MAP4K5: variants seen among roughly 807,000 people sequenced by gnomAD.
MAP4K5 encodes mitogen-activated protein kinase kinase kinase kinase 5, also known as MAPK/ERK kinase kinase kinase 5.
A neutral mutation model predicts 135.6 loss-of-function variants in MAP4K5; 82 were observed. The ratio of observed to expected loss-of-function variants is 0.60; its 90% CI spans 0.51 to 0.73. The LOEUF is 0.73. MAP4K5 is among the 30% of genes least tolerant of loss of function. MAP4K5 has a pLI of 0.00. For missense variants in MAP4K5, 907 were observed against 1,010.9 expected (o/e 0.90, Z 1.39); for synonymous variants, 347 against 335.0 (o/e 1.04, Z -0.39).
At chr14:50,559,385 G>A (rs886100269) in intron 1 of MAP4K5, 1 of 152,224 alleles carries the variant, frequency 6.6e-6, no homozygotes, top group Non-Finnish European at 1.5e-5. Context: ...TAAGTTTGTA[G>A]CAGAGAGAAA....
chr14:50,531,825 C>G, intron 2 of MAP4K5, 117 bp downstream of exon 2: 7 of 764,516 alleles, frequency 9.2e-6, no homozygotes, highest in Non-Finnish European at 6.7e-6. Context: ...CGGCCGCTTT[C>G]TCCCCAAGAG....
At chr14:50,483,174 T>C (rs537145448) in intron 5 of MAP4K5, 1 of 152,362 alleles carries the variant, frequency 6.6e-6, no homozygotes, top group East Asian at 1.9e-4. Flanking sequence ...AGATGCTATT[T>C]CTTTAGTATA....
intron 24 of MAP4K5, 38 bp downstream of exon 24, chr14:50,438,052 CAG>C: frequency 9.6e-7 from 1 of 1,041,700 alleles, no homozygotes; most frequent in Non-Finnish European, 1.5e-6. Context: ...TCATTTACAG[CAG>C]AGAAATACAA....
chr14:50,423,237 T>A lies in MAP4K5; in HGVS notation c.2398-61A>T. 4.4e-6 allele frequency: 3 copies of A among 679,060 alleles called. No individual in the cohort carries two copies. The South Asian group carries it at 6.1e-5, about 14-fold the overall frequency. The allele number at this position is 679,060 out of a possible 1,614,324, so 42.1% of individuals were successfully genotyped here. On this transcript the variant is annotated intron_variant, in intron 31 of 32. Coordinates refer to ENST00000682126, the MANE Select transcript of MAP4K5 (RefSeq NM_006575.6). Reference sequence around the variant, plus strand: ...TCCCCATATTGCCTTAATAACAATTTAAAATTAATTTAGAGCAATTATTAA... The same window carrying A: ...TCCCCATATTGCCTTAATAACAATTAAAAATTAATTTAGAGCAATTATTAA...
At chr14:50,546,177 G>A (rs980631976) in intron 1 of MAP4K5, among the ~76,000 whole-genome samples, 4 of 152,134 alleles carry the variant, frequency 2.6e-5, no homozygotes, top group African/African-American at 9.7e-5. Context: ...AAATCAAACT[G>A]CTATGAAAAC....
chr14:50,550,020 C>T (rs149920938), intron 1 of MAP4K5, among the ~76,000 whole-genome samples: 192 of 152,314 alleles, frequency 1.3e-3, no homozygotes, highest in African/African-American at 4.4e-3. Context: ...TGCCAAGTGG[C>T]GATGGCTACA....
Position 50,418,998 on chromosome 14 carries a change from T to C in MAP4K5, c.*1021A>G, listed in dbSNP as rs1290821565. 6.6e-6 allele frequency: 1 copy of C among 152,100 alleles called. No individual in the cohort carries two copies. The highest frequency in any genetic ancestry group is 2.4e-5 in the African/African-American group (1 of 41,410). The allele number at this position is 152,100 out of a possible 1,614,324, so 9.4% of individuals were successfully genotyped here. ...ATATTTTTTTTCTTCTTCAACCTAC[T>C]CAAAATGAATACCTACATATGTGAA... is the stretch of plus-strand genomic sequence containing the variant. On this transcript the variant is annotated 3_prime_UTR_variant, in exon 33 of 33. Coordinates refer to ENST00000682126, the MANE Select transcript of MAP4K5 (RefSeq NM_006575.6).
chr14:50,530,757 A>T (rs967350028), intron 2 of MAP4K5, among the ~76,000 whole-genome samples: 14 of 152,190 alleles, frequency 9.2e-5, no homozygotes, highest in Non-Finnish European at 1.2e-4. Flanking sequence ...AGAAGACTCA[A>T]ATGCTTGTTT....
At chr14:50,506,968 C>T (rs2037823582) in intron 2 of MAP4K5, among the ~76,000 whole-genome samples, 1 of 152,110 alleles carries the variant, frequency 6.6e-6, no homozygotes, top group Non-Finnish European at 1.5e-5. Context: ...AGGCTATGTG[C>T]ACGTAGATTT....
At chr14:50,463,702 G>T (rs765814193) in intron 12 of MAP4K5, among the ~76,000 whole-genome samples, 2 of 151,748 alleles carry the variant, frequency 1.3e-5, no homozygotes, top group Non-Finnish European at 2.9e-5. Flanking sequence ...TGGCCAACAC[G>T]GTGAAACCCT....
intron 28 of MAP4K5, among the ~76,000 whole-genome samples, chr14:50,431,256 AT>A (rs2139653415): frequency 6.6e-6 from 1 of 151,868 alleles, no homozygotes; most frequent in East Asian, 1.9e-4. Flanking sequence ...TTATTTATTT[AT>A]TTATTATTAT....
intron 2 of MAP4K5, among the ~76,000 whole-genome samples, chr14:50,525,517 C>G (rs1167312215): frequency 6.6e-6 from 1 of 152,106 alleles, no homozygotes; most frequent in Non-Finnish European, 1.5e-5. Flanking sequence ...TTACACTACA[C>G]TGTAAGATAT....
rs1329631245 is a variant in MAP4K5 at position 50,476,330 on chromosome 14, AAG to A, written c.379-26_379-25del. The A allele has an allele frequency of 5.5e-6, 7 of 1,268,038 alleles. No homozygotes were observed. The African/African-American group carries it at 9.4e-5, about 17-fold the overall frequency. The allele number at this position is 1,268,038 out of a possible 1,614,324, so 78.5% of individuals were successfully genotyped here. A position where few individuals can be genotyped will look rare whatever the true frequency, so the allele number is the denominator to read the frequency against. ...CCCTAAAAGTTTAAAAAAAAAAAAA[AAG>A]AATGTATCAGCAAAACTGTAAATGT... On this transcript the variant is annotated intron_variant, in intron 6 of 32. Transcript: ENST00000682126.
At chr14:50,473,688 A>T (rs902756247) in intron 9 of MAP4K5, among the ~76,000 whole-genome samples, 13 of 146,750 alleles carry the variant, frequency 8.9e-5, no homozygotes, top group African/African-American at 3.3e-4. Context: ...CTTAAAGCAG[A>T]TAGTTACTGA....
chr14:50,438,907 T>A (rs897482809), intron 23 of MAP4K5, among the ~76,000 whole-genome samples: 1 of 152,106 alleles, frequency 6.6e-6, no homozygotes, highest in African/African-American at 2.4e-5. Flanking sequence ...TTAAGCTTAT[T>A]TCCAAAGACA....
At chr14:50,548,873 A>G (rs2038667197) in intron 1 of MAP4K5, among the ~76,000 whole-genome samples, 1 of 152,130 alleles carries the variant, frequency 6.6e-6, no homozygotes, top group African/African-American at 2.4e-5. Context: ...GCTATTAGCC[A>G]TGTATAGGGC....
At chr14:50,509,511 A>G (rs574865548) in intron 2 of MAP4K5, among the ~76,000 whole-genome samples, 1 of 152,318 alleles carries the variant, frequency 6.6e-6, no homozygotes, top group South Asian at 2.1e-4. Context: ...TTTTCAATGT[A>G]ACAGAAGGTG....
chr14:50,432,530 A>C (rs1051917655), intron 28 of MAP4K5, among the ~76,000 whole-genome samples: 2 of 147,708 alleles, frequency 1.4e-5, no homozygotes, highest in African/African-American at 5.0e-5. Context: ...TCACGCATTA[A>C]AAAACAAAGC....
intron 31 of MAP4K5, among the ~76,000 whole-genome samples, chr14:50,424,156 T>C (rs909853690): frequency 3.4e-5 from 5 of 147,298 alleles, no homozygotes; most frequent in Non-Finnish European, 7.4e-5. Flanking sequence ...ATATTGTAGA[T>C]ATAAAGTAAG....
Sources: allele counts gnomAD v4.1 joint callset (sites outside exome capture counted in the v4.1 genomes callset), GRCh38; gene constraint gnomAD v4.1.1; transcripts MANE v1.5; gene names NCBI Gene and HGNC (gene_info 2026-07-23, HGNC 2026-07-21).